The following CLDN2 variants were observed in gnomAD, a reference collection of about 807,000 sequenced individuals.
CLDN2 encodes the protein claudin 2.
In CLDN2, 1 loss-of-function variant was observed where a neutral mutation model predicts 8.2. The observed-to-expected ratio is 0.12, with a 90% confidence interval of 0.04 to 0.58. CLDN2 has a LOEUF of 0.58. Among genes scored for constraint, CLDN2 ranks in the 20% least tolerant of loss-of-function variants. The pLI is 0.90. For missense variants in CLDN2, 108 were observed against 172.9 expected, an observed-to-expected ratio of 0.62 and a Z score of 2.11; for synonymous variants, 70 against 70.2, an observed-to-expected ratio of 1.00 and a Z score of 0.01.
chrX:106,903,592 T>C (rs1933140113), intron 1 of CLDN2, among the ~76,000 whole-genome samples: 1 of 111,752 alleles, frequency 8.9e-6, no homozygotes, highest in African/African-American at 3.3e-5. Flanking sequence ...ACACCATTTG[T>C]GTGAATTCCC....
chrX:106,926,893 A>T (rs1408648907), intron 1 of CLDN2, among the ~76,000 whole-genome samples: 5 of 9,340 alleles, frequency 5.4e-4, no homozygotes, highest in African/African-American at 2.4e-3. Context: ...CAGGAGGATC[A>T]CACACACACA....
chrX:106,912,657 C>T (rs937021155), intron 1 of CLDN2, among the ~76,000 whole-genome samples: 2 of 110,384 alleles, frequency 1.8e-5, no homozygotes, highest in Non-Finnish European at 3.8e-5. Context: ...CTCAAGCATT[C>T]CACCTGCCTC....
rs774698882 is a variant in CLDN2 at position 106,925,485 on chromosome X, T to C, written c.-178-2566T>C. Among the ~76,000 whole-genome samples the C allele has an allele frequency of 4.4e-5, 5 of 112,512 alleles. No individual in the cohort carries two copies. The East Asian group carries it at 1.1e-3, about 25-fold the overall frequency. On this transcript the variant is annotated intron_variant, in intron 1 of 1. Transcript: ENST00000336803. The stretch of plus-strand genomic sequence containing the variant: ...AACTGGAAGTAATTTAATTCCACAA[T>C]AGTACAGACTATGAGGAGGGAAATG...
At chrX:106,911,515 A>C in intron 1 of CLDN2, among the ~76,000 whole-genome samples, 1 of 109,426 alleles carries the variant, frequency 9.1e-6, no homozygotes, top group South Asian at 4.0e-4. Context: ...CTAGAACACC[A>C]CTCTTCCCCA....
intron 1 of CLDN2, among the ~76,000 whole-genome samples, chrX:106,907,661 A>T (rs888260371): frequency 2.8e-5 from 3 of 108,759 alleles, no homozygotes; most frequent in Non-Finnish European, 5.7e-5. Flanking sequence ...AGATTGTGCC[A>T]CTGCACTCCA....
intron 1 of CLDN2, among the ~76,000 whole-genome samples, chrX:106,909,538 G>A (rs1002991293): frequency 3.6e-5 from 4 of 112,192 alleles, no homozygotes; most frequent in African/African-American, 6.5e-5. Context: ...CTTGCAAGCC[G>A]GAGCCCCTGG....
chrX:106,928,732 T>C lies in CLDN2; in HGVS notation c.504T>C (p.Ile168=), dbSNP rs1423720929. Residue 168 remains isoleucine, a synonymous_variant, in exon 2 of 2, where the codon ATT becomes ATC. Transcript: ENST00000336803. Reference sequence around the variant, plus strand: ...TTGGAGAGGCTCTTTACTTGGGCATTATTTCTTCCCTGTTCTCCCTGATAG... The same window carrying C: ...TTGGAGAGGCTCTTTACTTGGGCATCATTTCTTCCCTGTTCTCCCTGATAG... ...FEIGEALYLG[I]ISSLFSLIAG... is the part of the protein sequence containing the mutation. 12 of 1,209,583 alleles carry C rather than the reference T, an allele frequency of 9.9e-6. No homozygotes were observed. The highest frequency in any genetic ancestry group is 2.3e-4 in the Middle Eastern group (1 of 4,372).
chrX:106,919,543 G>C (rs1602459246), upstream of CLDN2, among the ~76,000 whole-genome samples: 2 of 111,002 alleles, frequency 1.8e-5, no homozygotes, highest in African/African-American at 6.6e-5. Context: ...GAGTGCAGTG[G>C]TATGATCTCG....
Position 106,929,370 on chromosome X carries a change from C to CT in CLDN2, c.*453dup, listed in dbSNP as rs778150160. 1 of 149,685 alleles carries CT rather than the reference C, an allele frequency of 6.7e-6. No individual in the cohort carries two copies. Among genetic ancestry groups the CT allele is most frequent in the African/African-American group, 3.2e-5 (1 of 31,379 alleles). 12.3% of individuals were successfully genotyped at this position (149,685 alleles called of 1,213,427 possible). A position where few individuals can be genotyped will look rare whatever the true frequency, so the allele number is the denominator to read the frequency against. The stretch of plus-strand genomic sequence containing the variant: ...TGGGGATGGGAAGGAGAAGCAGTGG[C>CT]TTTTGTGGGCATTGCTCTAACCTAC... On this transcript the variant is annotated 3_prime_UTR_variant, in exon 2 of 2. Coordinates refer to ENST00000336803, the MANE Select transcript of CLDN2 (RefSeq NM_020384.4).
intron 1 of CLDN2, among the ~76,000 whole-genome samples, chrX:106,901,212 G>T (rs756856905): frequency 1.8e-5 from 2 of 111,975 alleles, no homozygotes; most frequent in Non-Finnish European, 3.8e-5. Flanking sequence ...GAATTCTCCA[G>T]CCCTATGGCC....
chrX:106,925,782 G>A (rs1441405511), intron 1 of CLDN2, among the ~76,000 whole-genome samples: 1 of 112,269 alleles, frequency 8.9e-6, no homozygotes, highest in Non-Finnish European at 1.9e-5. Context: ...TGAGGTGGGC[G>A]GATCACTTGC....
upstream of CLDN2, among the ~76,000 whole-genome samples, chrX:106,916,095 CT>C (rs1357150099): frequency 9.1e-6 from 1 of 110,121 alleles, no homozygotes; most frequent in Non-Finnish European, 1.9e-5. Flanking sequence ...AAGCCAAACC[CT>C]TCAGGCATTC....
At chrX:106,915,233 T>A (rs1198480179), upstream of CLDN2, among the ~76,000 whole-genome samples, 1 of 112,371 alleles carries the variant, frequency 8.9e-6, no homozygotes, top group Non-Finnish European at 1.9e-5. Context: ...ATTACACAGA[T>A]GTACCAGTTT....
intron 1 of CLDN2, among the ~76,000 whole-genome samples, chrX:106,912,980 C>G (rs1019192842): frequency 9.0e-6 from 1 of 111,460 alleles, no homozygotes; most frequent in Admixed American, 9.5e-5. Flanking sequence ...ATTGTAGAAT[C>G]AAAAAGCGAG....
intron 1 of CLDN2, among the ~76,000 whole-genome samples, chrX:106,907,386 C>T (rs1737425973): frequency 8.9e-6 from 1 of 111,762 alleles, no homozygotes; most frequent in Admixed American, 9.5e-5. Flanking sequence ...GAAAGTTTTT[C>T]AATAAATACA....
rs781662821 is a variant in CLDN2 at position 106,928,486 on chromosome X, A to G, written c.258A>G (p.Thr86=). Residue 86 remains threonine (T), a synonymous_variant, in exon 2 of 2, where the codon ACA becomes ACG. Coordinates refer to ENST00000336803, the MANE Select transcript of CLDN2 (RefSeq NM_020384.4). ...AGGCTGCCCAGGCCATGATGGTGACATCCAGTGCAATCTCCTCCCTGGCCT... is the reference window on the plus strand; with the variant it reads ...AGGCTGCCCAGGCCATGATGGTGACGTCCAGTGCAATCTCCTCCCTGGCCT... ...DIQAAQAMMV[T]SSAISSLACI... is the part of the protein sequence containing the mutation. The G allele has an allele frequency of 8.3e-7, 1 of 1,211,481 alleles. No individual in the cohort carries two copies. The highest frequency in any genetic ancestry group is 1.8e-5 in the South Asian group (1 of 56,886).
At chrX:106,900,932 C>T (rs1366233533) in intron 1 of CLDN2, 8 of 1,199,434 alleles carry the variant, frequency 6.7e-6, no homozygotes, top group African/African-American at 1.8e-5. Context: ...AGAAACATGG[C>T]CCCTAACAGG....
upstream of CLDN2, among the ~76,000 whole-genome samples, chrX:106,918,195 C>T (rs755621788): frequency 2.5e-3 from 287 of 112,610 alleles, no homozygotes; most frequent in Non-Finnish European, 3.6e-3. Context: ...AATGCATTCA[C>T]ATTCATTCAC....
Position 106,929,220 on chromosome X carries a change from G to A in CLDN2, c.*299G>A. ...CCCCATTCCCTTAAGCCAGGACTCA[G>A]AGGATCCCTTTGCCCTCTGGTTTAC... On this transcript the variant is annotated 3_prime_UTR_variant, in exon 2 of 2. Coordinates refer to ENST00000336803, the MANE Select transcript of CLDN2 (RefSeq NM_020384.4). 2 of 335,903 alleles carry A rather than the reference G, an allele frequency of 6.0e-6. No homozygotes were observed. Among genetic ancestry groups the A allele is most frequent in the South Asian group, 8.2e-5 (1 of 12,164 alleles). The allele number at this position is 335,903 out of a possible 1,213,427, so 27.7% of individuals were successfully genotyped here.
Sources: gnomAD v4.1 joint callset for allele counts (sites outside exome capture counted in the v4.1 genomes callset) on GRCh38, gnomAD v4.1.1 for gene constraint, MANE v1.5 for transcripts, NCBI Gene and HGNC (gene_info 2026-07-23, HGNC 2026-07-21) for gene names.